Variants in PTPRD observed in about 807,000 individuals in gnomAD.
PTPRD encodes the protein protein tyrosine phosphatase receptor type D.
In PTPRD, 34 loss-of-function variants were observed where a neutral mutation model predicts 214.5. That is an observed-to-expected ratio of 0.16 (90% CI 0.12 to 0.21). PTPRD has a LOEUF of 0.21. PTPRD is among the 10% of genes least tolerant of loss of function. The pLI, the probability that PTPRD is intolerant of heterozygous loss-of-function variation, is 1.00. For synonymous variants in PTPRD, 1,128 were observed against 845.7 expected (o/e 1.33, Z -5.79); for missense variants, 2,545 against 2,398.7 (o/e 1.06, Z -1.27).
intron 3 of PTPRD, among the ~76,000 whole-genome samples, chr9:10,079,416 GGTT>G (rs1461351296): frequency 3.3e-5 from 5 of 152,062 alleles, no homozygotes; most frequent in African/African-American, 1.2e-4. Flanking sequence ...GCCACCCCTG[GGTT>G]GTTGTGTTTT....
chr9:9,394,981 G>T (rs2067238055), intron 9 of PTPRD, among the ~76,000 whole-genome samples: 1 of 152,062 alleles, frequency 6.6e-6, no homozygotes, highest in Admixed American at 6.6e-5. Flanking sequence ...GGTACCATAT[G>T]ATTTAATTAG....
intron 23 of PTPRD, among the ~76,000 whole-genome samples, chr9:8,501,389 C>T (rs1352423900): frequency 1.3e-5 from 2 of 152,050 alleles, no homozygotes; most frequent in African/African-American, 4.8e-5. Flanking sequence ...TCAGTATCTC[C>T]CACCCCCACT....
intron 11 of PTPRD, among the ~76,000 whole-genome samples, chr9:8,768,426 C>T (rs908335144): frequency 6.6e-6 from 1 of 152,062 alleles, no homozygotes; most frequent in Non-Finnish European, 1.5e-5. Context: ...ATGGCACACA[C>T]CTGTAGTCCC....
chr9:9,843,986 G>C (rs1415225688), intron 5 of PTPRD, among the ~76,000 whole-genome samples: 1 of 151,948 alleles, frequency 6.6e-6, no homozygotes, highest in African/African-American at 2.4e-5. Flanking sequence ...ATATACCTAT[G>C]TATATGTCTT....
chr9:8,713,132 A>G (rs1316231351), intron 12 of PTPRD, among the ~76,000 whole-genome samples: 1 of 152,208 alleles, frequency 6.6e-6, no homozygotes, highest in African/African-American at 2.4e-5. Context: ...CTTAAAAACA[A>G]CAACAACGAT....
At chr9:9,914,466 C>T (rs960612706) in intron 5 of PTPRD, among the ~76,000 whole-genome samples, 2 of 152,182 alleles carry the variant, frequency 1.3e-5, no homozygotes, top group Non-Finnish European at 2.9e-5. Flanking sequence ...TAACCCTGTG[C>T]CTGCACTTAG....
intron 3 of PTPRD, among the ~76,000 whole-genome samples, chr9:10,121,207 T>C (rs939800591): frequency 9.9e-5 from 15 of 152,184 alleles, no homozygotes; most frequent in African/African-American, 3.4e-4. Context: ...TGATTAAATA[T>C]GCCAAATTTA....
intron 3 of PTPRD, among the ~76,000 whole-genome samples, chr9:10,240,176 T>C (rs968434197): frequency 2.6e-5 from 4 of 151,988 alleles, no homozygotes; most frequent in African/African-American, 9.7e-5. Context: ...ATATACTTCA[T>C]ATAACCTAAA....
chr9:9,703,815 G>A (rs2097546019), intron 7 of PTPRD, among the ~76,000 whole-genome samples: 1 of 152,136 alleles, frequency 6.6e-6, no homozygotes. Flanking sequence ...AATGTATACA[G>A]TATTTTAAAA....
At position 8,848,920 on chromosome 9, in the gene PTPRD, A is replaced by G. The variant is rs953739140; in HGVS notation, c.-103-114974T>C. Among the ~76,000 whole-genome samples, 11 of 127,054 alleles carry G rather than the reference A, an allele frequency of 8.7e-5. 1 individual carries two copies. The highest frequency in any genetic ancestry group is 3.2e-4 in the African/African-American group (11 of 34,712). The allele number at this position is 127,054 out of a possible 152,430, so 83.4% of individuals were successfully genotyped here. A position where few individuals can be genotyped will look rare whatever the true frequency, so the allele number is the denominator to read the frequency against. On this transcript the variant is annotated intron_variant, in intron 11 of 45. Coordinates refer to ENST00000381196, the MANE Select transcript of PTPRD (RefSeq NM_002839.4). Reference sequence around the variant, plus strand: ...TATTTTAGACATTAAACATAATACTAAAGGTGAGGTACTGAGCAGAATGCC... The same window carrying G: ...TATTTTAGACATTAAACATAATACTGAAGGTGAGGTACTGAGCAGAATGCC...
At chr9:9,590,052 G>T (rs573469230) in intron 7 of PTPRD, among the ~76,000 whole-genome samples, 1 of 151,936 alleles carries the variant, frequency 6.6e-6, no homozygotes, top group South Asian at 2.1e-4. Flanking sequence ...TTACTTAAAA[G>T]AAAGAGTACA....
intron 4 of PTPRD, among the ~76,000 whole-genome samples, chr9:10,003,397 A>G (rs2096383516): frequency 6.6e-6 from 1 of 151,978 alleles, no homozygotes; most frequent in African/African-American, 2.4e-5. Flanking sequence ...ATTTTAGAAG[A>G]TAATTTGAAG....
intron 11 of PTPRD, among the ~76,000 whole-genome samples, chr9:8,920,741 A>G (rs2098821730): frequency 6.6e-6 from 1 of 152,226 alleles, no homozygotes; most frequent in African/African-American, 2.4e-5. Context: ...TTGATATAAG[A>G]CAGAATACTA....
intron 10 of PTPRD, among the ~76,000 whole-genome samples, chr9:9,075,169 T>C (rs1569529411): frequency 6.6e-6 from 1 of 152,098 alleles, no homozygotes; most frequent in Non-Finnish European, 1.5e-5. Context: ...TTTTTGTGCA[T>C]ACATAGTAGG....
chr9:8,364,509 C>G (rs1288971554), intron 39 of PTPRD, among the ~76,000 whole-genome samples: 2 of 152,226 alleles, frequency 1.3e-5, no homozygotes, highest in African/African-American at 4.8e-5. Context: ...CATATCGACA[C>G]TAAAAAGCTC....
chr9:8,905,846 C>A (rs188147071), intron 11 of PTPRD, among the ~76,000 whole-genome samples: 1 of 151,842 alleles, frequency 6.6e-6, no homozygotes, highest in African/African-American at 2.4e-5. Context: ...CCCAATCCAA[C>A]GAGTTTATTC....
chr9:10,586,120 A>G (rs1467081768), intron 2 of PTPRD, among the ~76,000 whole-genome samples: 1 of 152,124 alleles, frequency 6.6e-6, no homozygotes, highest in African/African-American at 2.4e-5. Flanking sequence ...AAATTATAAG[A>G]GATTTAAGCA....
At chr9:9,556,171 AAAGT>A (rs2081462064) in intron 8 of PTPRD, among the ~76,000 whole-genome samples, 1 of 152,194 alleles carries the variant, frequency 6.6e-6, no homozygotes, top group Non-Finnish European at 1.5e-5. Flanking sequence ...TTATTAAAAT[AAAGT>A]AAGCCAGAGA....
intron 22 of PTPRD, among the ~76,000 whole-genome samples, chr9:8,505,922 T>C (rs2097535284): frequency 6.6e-6 from 1 of 152,202 alleles, no homozygotes; most frequent in South Asian, 2.1e-4. Context: ...AGTGCTGATT[T>C]ACACCTTACA....
Sources: gnomAD v4.1 joint callset for allele counts (sites outside exome capture counted in the v4.1 genomes callset) on GRCh38, gnomAD v4.1.1 for gene constraint, MANE v1.5 for transcripts, NCBI Gene and HGNC (gene_info 2026-07-23, HGNC 2026-07-21) for gene names.